The following RNF20 variants were observed in gnomAD, a reference collection of about 807,000 sequenced individuals.
RNF20 encodes the protein ring finger protein 20, also known as E3 ubiquitin-protein ligase BRE1A.
Under a neutral mutation model 126.2 loss-of-function variants are expected in RNF20, and 84 were observed. That is an observed-to-expected ratio of 0.67 (90% CI 0.56 to 0.80). The LOEUF (loss-of-function observed/expected upper bound fraction) is 0.80. Among genes scored for constraint, RNF20 ranks in the 30% least tolerant of loss-of-function variants. RNF20 has a pLI of 0.00. For missense variants in RNF20, 869 were observed against 1,188.2 expected, an observed-to-expected ratio of 0.73 and a Z score of 3.95; for synonymous variants, 400 against 414.3, an observed-to-expected ratio of 0.97 and a Z score of 0.42.
At chr9:101,537,624 T>C (rs1425852777) in intron 2 of RNF20, among the ~76,000 whole-genome samples, 1 of 152,158 alleles carries the variant, frequency 6.6e-6, no homozygotes, top group Non-Finnish European at 1.5e-5. Context: ...AATATTTTCA[T>C]GTCAAGGAAT....
chr9:101,545,657 T>C (rs769228815), intron 6 of RNF20, among the ~76,000 whole-genome samples: 5 of 152,226 alleles, frequency 3.3e-5, no homozygotes, highest in Non-Finnish European at 1.5e-5. Flanking sequence ...GGGGAATTTA[T>C]TAATTCATAT....
At chr9:101,559,578 A>G (rs1455326335) in intron 16 of RNF20, among the ~76,000 whole-genome samples, 2 of 152,126 alleles carry the variant, frequency 1.3e-5, no homozygotes, top group Non-Finnish European at 2.9e-5. Context: ...TTCTTTCAGC[A>G]GTGTTTTGTA....
chr9:101,554,132 T>C (rs1827491697), intron 14 of RNF20, 27 bp downstream of exon 14: 1 of 1,269,058 alleles, frequency 7.9e-7, no homozygotes, highest in Admixed American at 1.8e-5. Flanking sequence ...TTACCTGTCC[T>C]TCTGGTTAAA....
chr9:101,562,069 A>G (rs1053812996), intron 19 of RNF20, 58 bp downstream of exon 19: 45 of 1,357,182 alleles, frequency 3.3e-5, no homozygotes, highest in Middle Eastern at 1.9e-4. Context: ...GGCCTAATAG[A>G]CTGGGAGAAT....
chr9:101,538,857 G>T lies in RNF20; in HGVS notation c.130-1346G>T, dbSNP rs575440036. ...AGTAAGACTATTTTTCCACATGCTG[G>T]TTCTTTGCTTGTTATATCCTCCAAT... On this transcript the variant is annotated intron_variant, in intron 2 of 19. Transcript: ENST00000389120. Among the ~76,000 whole-genome samples the T allele has an allele frequency of 7.1e-4, 108 of 152,216 alleles. 1 individual carries two copies. The highest frequency in any genetic ancestry group is 2.2e-3 in the African/African-American group (92 of 41,530).
chr9:101,544,931 C>A, intron 6 of RNF20, 46 bp downstream of exon 6: 2 of 1,160,438 alleles, frequency 1.7e-6, no homozygotes, highest in Non-Finnish European at 2.6e-6. Flanking sequence ...TGGGCTGTGG[C>A]AGATGTTGAC....
intron 13 of RNF20, 131 bp downstream of exon 13, chr9:101,552,884 T>A: frequency 1.0e-6 from 1 of 994,766 alleles, no homozygotes; most frequent in Non-Finnish European, 1.4e-6. Context: ...TAATTTGGTT[T>A]CAAGTCGTGT....
rs140948940 is a variant in RNF20 at position 101,551,200 on chromosome 9, A to G, written c.1272+415A>G. Among the ~76,000 whole-genome samples the G allele has an allele frequency of 2.6e-3, 395 of 152,332 alleles. 1 individual carries two copies. The highest frequency in any genetic ancestry group is 9.2e-3 in the African/African-American group (382 of 41,572). On this transcript the variant is annotated intron_variant, in intron 10 of 19. Coordinates refer to ENST00000389120, the MANE Select transcript of RNF20 (RefSeq NM_019592.7). ...AGAACAGCACATATAAAGGTATGAG[A>G]GAGCATGAGAAATAGTTTAATATGG...
intron 8 of RNF20, 54 bp from the exon 9 acceptor site, chr9:101,547,345 G>A: frequency 6.2e-7 from 1 of 1,610,560 alleles, no homozygotes; most frequent in Non-Finnish European, 8.5e-7. Flanking sequence ...AGGAAGCTTA[G>A]AAATGATTTA....
At chr9:101,556,280 C>G (rs1182457981) in intron 15 of RNF20, among the ~76,000 whole-genome samples, 1 of 152,044 alleles carries the variant, frequency 6.6e-6, no homozygotes, top group Admixed American at 6.6e-5. Flanking sequence ...TGAAAAAGAA[C>G]AGCACTGGGG....
chr9:101,560,737 A>G, intron 16 of RNF20, 64 bp from the exon 17 acceptor site: 1 of 1,483,418 alleles, frequency 6.7e-7, no homozygotes, highest in Non-Finnish European at 9.0e-7. Context: ...ATAGATTAAC[A>G]GAATAGTTTT....
chr9:101,562,451 C>G lies in RNF20; in HGVS notation c.*29C>G. ...AAGTCAAGAGAAGAAGAGGAGCTGG[C>G]TAGTCAGGAACTTATTCATTAACCA... is the stretch of plus-strand genomic sequence containing the variant. On this transcript the variant is annotated 3_prime_UTR_variant, in exon 20 of 20. Transcript: ENST00000389120. The G allele has an allele frequency of 6.3e-7, 1 of 1,588,208 alleles. No homozygotes were observed. The highest frequency in any genetic ancestry group is 8.6e-7 in the Non-Finnish European group (1 of 1,166,664).
At chr9:101,562,048 A>G (rs779641208) in intron 19 of RNF20, 37 bp downstream of exon 19, 1 of 1,481,090 alleles carries the variant, frequency 6.8e-7, no homozygotes, top group South Asian at 1.2e-5. Context: ...TTTTTTGTCA[A>G]AGCTTTAAGT....
chr9:101,548,486 A>G (rs1460596624), intron 9 of RNF20, among the ~76,000 whole-genome samples: 1 of 152,224 alleles, frequency 6.6e-6, no homozygotes, highest in African/African-American at 2.4e-5. Flanking sequence ...ACACGAAAAG[A>G]TAACTGTGAG....
intron 5 of RNF20, among the ~76,000 whole-genome samples, chr9:101,543,468 A>ACTGTCTAACCTGCCAAGGCG (rs1564108040): frequency 1.6e-4 from 24 of 145,846 alleles, no homozygotes; most frequent in Admixed American, 3.4e-4. Flanking sequence ...CTGCCAAGGC[A>ACTGTCTAACCTGCCAAGGCG]GCACTGTCTA....
intron 18 of RNF20, 65 bp from the exon 19 acceptor site, chr9:101,561,845 A>G (rs1447384490): frequency 2.7e-5 from 29 of 1,082,710 alleles, no homozygotes; most frequent in Non-Finnish European, 2.7e-5. Flanking sequence ...ACTCAAGTCT[A>G]TTATTTTTCT....
At chr9:101,536,219 T>C (rs139035836) in intron 2 of RNF20, among the ~76,000 whole-genome samples, 17 of 152,340 alleles carry the variant, frequency 1.1e-4, no homozygotes, top group African/African-American at 4.1e-4. Flanking sequence ...GAGTATTATA[T>C]ACCAAAATCT....
At position 101,554,773 on chromosome 9, in the gene RNF20, C is replaced by T. The variant is rs777526944; in HGVS notation, c.2099C>T (p.Ala700Val). 6.3e-7 allele frequency: 1 copy of T among 1,595,584 alleles called. No individual in the cohort carries two copies. Among genetic ancestry groups the T allele is most frequent in the East Asian group, 2.3e-5 (1 of 44,266 alleles). The change falls in exon 15 of 20, where the codon GCC becomes GTC. Residue 700 changes from alanine to valine, a missense_variant. Transcript: ENST00000389120. Reference protein sequence around the residue: ...KENKKMADEDALRKIRAVEEQ... With the variant: ...KENKKMADEDVLRKIRAVEEQ... ...AACAAGAAAATGGCTGATGAGGATG[C>T]CTTGAGGAAGATCCGGGCAGTGGAG...
chr9:101,560,927 G>T lies in RNF20; in HGVS notation c.2508+1G>T. ...AGCCTTAGAGATGAATAAACGCAAGGTATGATTGATTAATCTAATGATGGT... is the reference window on the plus strand; with the variant it reads ...AGCCTTAGAGATGAATAAACGCAAGTTATGATTGATTAATCTAATGATGGT... On this transcript the variant is annotated splice_donor_variant, in intron 17 of 19. Coordinates refer to ENST00000389120, the MANE Select transcript of RNF20 (RefSeq NM_019592.7). LOFTEE classifies it high-confidence loss of function. The T allele has an allele frequency of 6.2e-7, 1 of 1,609,330 alleles. No individual in the cohort carries two copies. The highest frequency in any genetic ancestry group is 8.5e-7 in the Non-Finnish European group (1 of 1,178,474).
Sources: allele counts gnomAD v4.1 joint callset (sites outside exome capture counted in the v4.1 genomes callset), GRCh38; gene constraint gnomAD v4.1.1; transcripts MANE v1.5; gene names NCBI Gene and HGNC (gene_info 2026-07-23, HGNC 2026-07-21).